KANSL1: variants seen among roughly 807,000 people sequenced by gnomAD.
KANSL1 encodes the protein KAT8 regulatory NSL complex subunit 1.
A neutral mutation model predicts 103.6 loss-of-function variants in KANSL1; 22 were observed. The observed-to-expected ratio is 0.21, with a 90% CI of 0.15 to 0.30. The LOEUF (loss-of-function observed/expected upper bound fraction) is 0.30. Ranked by LOEUF, KANSL1 falls within the 10% of genes least tolerant of loss-of-function variation. The pLI, the probability that KANSL1 is intolerant of heterozygous loss-of-function variation, is 1.00. For missense variants in KANSL1, 1,337 were observed against 1,399.8 expected, an observed-to-expected ratio of 0.96 and a Z score of 0.72; for synonymous variants, 600 against 527.6, an observed-to-expected ratio of 1.14 and a Z score of -1.88.
intron 1 of KANSL1, among the ~76,000 whole-genome samples, chr17:46,209,317 C>A (rs960513824): frequency 5.9e-5 from 9 of 152,162 alleles, no homozygotes; most frequent in Non-Finnish European, 8.8e-5. Context: ...TTATATAATT[C>A]TTATTTGCTT....
intron 1 of KANSL1, among the ~76,000 whole-genome samples, chr17:46,214,697 G>A (rs2048286422): frequency 6.6e-6 from 1 of 152,000 alleles, no homozygotes; most frequent in African/African-American, 2.4e-5. Flanking sequence ...GAGGATAAAA[G>A]ACAAGAGCAA....
At chr17:46,112,611 G>A (rs2042867782) in intron 2 of KANSL1, among the ~76,000 whole-genome samples, 3 of 152,124 alleles carry the variant, frequency 2.0e-5, no homozygotes, top group South Asian at 4.2e-4. Flanking sequence ...CTTGAACCTG[G>A]GAGGCAGAGG....
chr17:46,093,856 A>G (rs529537717), intron 3 of KANSL1: 1 of 152,382 alleles, frequency 6.6e-6, no homozygotes, highest in East Asian at 1.9e-4. Flanking sequence ...GATTTTTGAG[A>G]ACACTGCTGA....
intron 2 of KANSL1, among the ~76,000 whole-genome samples, chr17:46,155,561 A>G (rs1052743695): frequency 2.0e-5 from 3 of 152,228 alleles, no homozygotes; most frequent in Non-Finnish European, 2.9e-5. Context: ...TCCTACTGGC[A>G]TTTAGGGGGT....
At chr17:46,142,800 T>C (rs542380793) in intron 2 of KANSL1, among the ~76,000 whole-genome samples, 1 of 152,262 alleles carries the variant, frequency 6.6e-6, no homozygotes, top group Non-Finnish European at 1.5e-5. Context: ...CTGGTATGAC[T>C]ACAACTGGGA....
upstream of KANSL1, among the ~76,000 whole-genome samples, chr17:46,197,780 G>A (rs1011222171): frequency 1.3e-5 from 2 of 152,230 alleles, no homozygotes; most frequent in African/African-American, 2.4e-5. Flanking sequence ...GGCAGGAACT[G>A]TGGTTGTTCT....
chr17:46,050,484 GTC>G, intron 7 of KANSL1, 47 bp downstream of exon 7: 1 of 1,562,820 alleles, frequency 6.4e-7, no homozygotes, highest in Non-Finnish European at 8.8e-7. Flanking sequence ...TCACCTAGAA[GTC>G]TCTCAAGTTT....
intron 2 of KANSL1, among the ~76,000 whole-genome samples, chr17:46,119,381 C>G (rs1045174088): frequency 6.6e-6 from 1 of 150,480 alleles, no homozygotes; most frequent in Non-Finnish European, 1.5e-5. Flanking sequence ...AATCTTGGTT[C>G]ACTGCAACCT....
At chr17:46,193,493 C>G (rs1597940067), upstream of KANSL1, 1 of 149,168 alleles carries the variant, frequency 6.7e-6, no homozygotes, top group Non-Finnish European at 1.5e-5. Flanking sequence ...GCGCCTCCGC[C>G]GGCTGCGGCT....
At chr17:46,034,409 A>C in intron 10 of KANSL1, 124 bp from the exon 11 acceptor site, 1 of 1,023,874 alleles carries the variant, frequency 9.8e-7, no homozygotes. Flanking sequence ...AAGCTGAGTA[A>C]TGACCATAGC....
intron 2 of KANSL1, among the ~76,000 whole-genome samples, chr17:46,137,661 G>C (rs1415052365): frequency 3.9e-5 from 6 of 152,076 alleles, no homozygotes; most frequent in Non-Finnish European, 2.9e-5. Flanking sequence ...TGATCACAAG[G>C]TCAGGAGATC....
intron 2 of KANSL1, among the ~76,000 whole-genome samples, chr17:46,168,486 T>C (rs1377636198): frequency 3.9e-5 from 6 of 152,184 alleles, no homozygotes; most frequent in African/African-American, 1.4e-4. Context: ...CAGCTGGATG[T>C]AGAGGCGTGT....
At chr17:46,064,972 G>A (rs532684015) in intron 6 of KANSL1, among the ~76,000 whole-genome samples, 64 of 151,404 alleles carry the variant, frequency 4.2e-4, no homozygotes, top group African/African-American at 1.5e-3. Flanking sequence ...TTTTTTGTTT[G>A]TTTTTTTGTT....
chr17:46,075,455 G>T (rs1190331742), intron 4 of KANSL1, among the ~76,000 whole-genome samples: 1 of 152,110 alleles, frequency 6.6e-6, no homozygotes, highest in Non-Finnish European at 1.5e-5. Flanking sequence ...TTGTGCCTCA[G>T]CCTCCCGAGT....
chr17:46,039,008 G>A lies in KANSL1; in HGVS notation c.2392+19C>T, dbSNP rs200777153. 20 of 1,601,284 alleles carry A rather than the reference G, an allele frequency of 1.2e-5. No individual in the cohort carries two copies. The Admixed American group carries it at 3.0e-4, about 24-fold the overall frequency. ...AGCAGGTGCAGTTGCAGGTAGAGGT[G>A]CCATGGGCCTGGCCCTACCTTCACT... On this transcript the variant is annotated intron_variant, in intron 9 of 14. Transcript: ENST00000432791.
intron 2 of KANSL1, among the ~76,000 whole-genome samples, chr17:46,136,022 C>T (rs2044122496): frequency 6.6e-6 from 1 of 152,094 alleles, no homozygotes; most frequent in Non-Finnish European, 1.5e-5. Flanking sequence ...GAGAAGGTAT[C>T]AAGTGTTCCT....
chr17:46,090,978 G>A (rs982878988), intron 3 of KANSL1, among the ~76,000 whole-genome samples: 10 of 152,128 alleles, frequency 6.6e-5, no homozygotes, highest in South Asian at 2.1e-4. Context: ...ACTTTTAATC[G>A]TTATTTTAGA....
chr17:46,090,062 T>C (rs1466595104), intron 3 of KANSL1, among the ~76,000 whole-genome samples: 6 of 152,198 alleles, frequency 3.9e-5, no homozygotes, highest in Non-Finnish European at 7.3e-5. Flanking sequence ...AGCCATTTAG[T>C]GTGGGCTCTA....
Position 46,171,619 on chromosome 17 carries a change from G to A in KANSL1, c.525C>T (p.Ser175=), listed in dbSNP as rs148321376. 2.7e-5 allele frequency: 43 copies of A among 1,575,050 alleles called. No individual in the cohort carries two copies. In the African/African-American group the frequency reaches 5.3e-4, roughly 20 times the overall value. Reference sequence around the variant, plus strand: ...TGAGAGCCCGTTTTCCCCCATTGAGGGAAGTGGAATTGTCATGATCAGAAT... The same window carrying A: ...TGAGAGCCCGTTTTCCCCCATTGAGAGAAGTGGAATTGTCATGATCAGAAT... ...STHSDHDNST[S]LNGGKRALTS... The change falls in exon 2 of 15, where the codon TCC becomes TCT. Residue 175 remains serine, a synonymous_variant. Coordinates refer to ENST00000432791, the MANE Select transcript of KANSL1 (RefSeq NM_015443.4).
Sources: allele counts gnomAD v4.1 joint callset (sites outside exome capture counted in the v4.1 genomes callset), GRCh38; gene constraint gnomAD v4.1.1; transcripts MANE v1.5; gene names NCBI Gene and HGNC (gene_info 2026-07-23, HGNC 2026-07-21).